Variants in NUDT3 observed in about 807,000 individuals in gnomAD.
NUDT3 encodes nudix hydrolase 3.
In NUDT3, 9 loss-of-function variants were observed where a neutral mutation model predicts 23.6. That is an observed-to-expected ratio of 0.38 (90% confidence interval 0.23 to 0.66). NUDT3 has a LOEUF of 0.66. NUDT3 is among the 30% of genes least tolerant of loss of function. The pLI is 0.52. For synonymous variants in NUDT3, 86 were observed against 82.6 expected (o/e 1.04, Z -0.22); for missense variants, 172 against 218.5 (o/e 0.79, Z 1.34).
intron 1 of NUDT3, among the ~76,000 whole-genome samples, chr6:34,348,456 T>C (rs1008513366): frequency 1.3e-4 from 19 of 151,960 alleles, no homozygotes; most frequent in African/African-American, 4.1e-4. Flanking sequence ...CACTCCAGCC[T>C]GAGTGACAGA....
At chr6:34,378,146 A>G (rs563935950) in intron 1 of NUDT3, among the ~76,000 whole-genome samples, 60 of 151,894 alleles carry the variant, frequency 4.0e-4, no homozygotes, top group African/African-American at 1.4e-3. Flanking sequence ...ACCCAAAAAA[A>G]AAAAAAAATA....
chr6:34,387,971 TTC>T (rs1765135742), intron 1 of NUDT3, among the ~76,000 whole-genome samples: 1 of 152,192 alleles, frequency 6.6e-6, no homozygotes, highest in African/African-American at 2.4e-5. Context: ...CCAGAGCAAC[TTC>T]CAGTCATAAT....
At chr6:34,360,637 C>T (rs991653471) in intron 1 of NUDT3, among the ~76,000 whole-genome samples, 2 of 152,122 alleles carry the variant, frequency 1.3e-5, no homozygotes, top group Admixed American at 1.3e-4. Context: ...GCAGAATGAC[C>T]ATTTAGTAAG....
intron 4 of NUDT3, among the ~76,000 whole-genome samples, chr6:34,293,207 C>A (rs571893203): frequency 2.6e-4 from 39 of 152,338 alleles, no homozygotes; most frequent in Non-Finnish European, 4.4e-4. Flanking sequence ...CGACCACAGG[C>A]ATGTGCCACC....
chr6:34,384,339 C>A (rs576915136), intron 1 of NUDT3, among the ~76,000 whole-genome samples: 48 of 152,322 alleles, frequency 3.2e-4, no homozygotes, highest in African/African-American at 1.0e-3. Context: ...TTCATCCTTT[C>A]TTTATTAAAA....
intron 4 of NUDT3, among the ~76,000 whole-genome samples, chr6:34,290,126 A>G (rs1763395747): frequency 6.6e-6 from 1 of 152,182 alleles, no homozygotes; most frequent in African/African-American, 2.4e-5. Context: ...TATGACTATT[A>G]GTATGGAAAG....
chr6:34,359,396 A>C (rs1268999120), intron 1 of NUDT3, among the ~76,000 whole-genome samples: 1 of 152,052 alleles, frequency 6.6e-6, no homozygotes. Context: ...AACAAACAAA[A>C]AAACTCATAC....
intron 2 of NUDT3, among the ~76,000 whole-genome samples, chr6:34,304,651 T>C (rs544613909): frequency 2.0e-5 from 3 of 151,708 alleles, no homozygotes; most frequent in Admixed American, 6.6e-5. Flanking sequence ...CAAATTTTTC[T>C]TTTTCCTTTT....
chr6:34,316,608 A>T (rs945557629), intron 2 of NUDT3, among the ~76,000 whole-genome samples: 3 of 152,240 alleles, frequency 2.0e-5, no homozygotes, highest in African/African-American at 7.2e-5. Context: ...AAAGGCACTT[A>T]AAAAAGCAAC....
At chr6:34,342,289 C>CAAAAAAAAAAAAAAAA (rs200954440) in intron 1 of NUDT3, among the ~76,000 whole-genome samples, 8 of 66,510 alleles carry the variant, frequency 1.2e-4, no homozygotes, top group South Asian at 4.6e-4. Flanking sequence ...TAGAAGACTT[C>CAAAAAAAAAAAAAAAA]AAAAAAAAAA....
intron 1 of NUDT3, among the ~76,000 whole-genome samples, chr6:34,373,678 C>T (rs9380429): frequency 3.9e-5 from 6 of 152,174 alleles, no homozygotes; most frequent in Admixed American, 3.9e-4. Context: ...ACAAATTCAG[C>T]TTCTTCCCAC....
intron 1 of NUDT3, among the ~76,000 whole-genome samples, chr6:34,380,210 C>T (rs1764991114): frequency 2.6e-5 from 4 of 152,032 alleles, no homozygotes. Context: ...TGCCACCACG[C>T]CCGGCTAATT....
chr6:34,300,495 C>A (rs1763582825), intron 2 of NUDT3, among the ~76,000 whole-genome samples: 3 of 152,208 alleles, frequency 2.0e-5, no homozygotes, highest in Non-Finnish European at 4.4e-5. Flanking sequence ...GTATGTTCAA[C>A]AGCTCCTTAG....
intron 2 of NUDT3, among the ~76,000 whole-genome samples, chr6:34,314,204 C>CT (rs952954418): frequency 1.3e-5 from 2 of 151,930 alleles, no homozygotes; most frequent in Non-Finnish European, 2.9e-5. Flanking sequence ...GGGTGGATCA[C>CT]TTGAGGCCAG....
At position 34,325,233 on chromosome 6, in the gene NUDT3, T is replaced by C. The variant is rs576072575; in HGVS notation, c.210+16629A>G. On this transcript the variant is annotated intron_variant, in intron 2 of 4. Coordinates refer to ENST00000607016, the MANE Select transcript of NUDT3 (RefSeq NM_006703.4). ...TTACTTTATATAATGAATTTTTTTT[T>C]CTTTTTTCTTTTTTAAAGAGACAGG... is the stretch of plus-strand genomic sequence containing the variant. Among the ~76,000 whole-genome samples the C allele has an allele frequency of 6.4e-5, 8 of 124,552 alleles. No homozygotes were observed. In the East Asian group the frequency reaches 1.7e-3, roughly 26 times the overall value. The allele number at this position is 124,552 out of a possible 152,430, so 81.7% of individuals were successfully genotyped here.
Position 34,351,432 on chromosome 6 carries a change from C to T in NUDT3, c.100-9460G>A, listed in dbSNP as rs1313349729. On this transcript the variant is annotated intron_variant, in intron 1 of 4. Coordinates refer to ENST00000607016, the MANE Select transcript of NUDT3 (RefSeq NM_006703.4). ...TCCATCCTAGGCAATAAGGCAAGAC[C>T]ATGTCTTTAAAAAAAAAAAAATTAG... is the stretch of plus-strand genomic sequence containing the variant. Among the ~76,000 whole-genome samples, 2 of 137,756 alleles carry T rather than the reference C, an allele frequency of 1.5e-5. 1 individual carries two copies. The highest frequency in any genetic ancestry group is 4.6e-4 in the South Asian group (2 of 4,336). The allele number at this position is 137,756 out of a possible 152,430, so 90.4% of individuals were successfully genotyped here. A position where few individuals can be genotyped will look rare whatever the true frequency, so the allele number is the denominator to read the frequency against.
In NUDT3 at chr6:34,302,892, A is replaced by T. The variant is rs550755225; in HGVS notation, c.211-7207T>A. 6.6e-5 allele frequency among the ~76,000 whole-genome samples: 10 copies of T among 152,360 alleles called. No individual in the cohort carries two copies. In the South Asian group the frequency reaches 2.1e-3, roughly 32 times the overall value. ...TCTAGAGACTCCAGAATAGAGCCAC[A>T]GATATTACTGTTTTACTAATTTAGT... On this transcript the variant is annotated intron_variant, in intron 2 of 4. Transcript: ENST00000607016.
At chr6:34,372,897 T>C (rs976861417) in intron 1 of NUDT3, among the ~76,000 whole-genome samples, 1 of 152,014 alleles carries the variant, frequency 6.6e-6, no homozygotes, top group African/African-American at 2.4e-5. Context: ...CTTTTCTGGC[T>C]TAACATTGTC....
chr6:34,379,140 A>C (rs1581900932), intron 1 of NUDT3, among the ~76,000 whole-genome samples: 1 of 152,378 alleles, frequency 6.6e-6, no homozygotes, highest in East Asian at 1.9e-4. Flanking sequence ...ACTCATGGAA[A>C]ATAGAAAAGT....
Sources: allele counts gnomAD v4.1 joint callset (sites outside exome capture counted in the v4.1 genomes callset), GRCh38; gene constraint gnomAD v4.1.1; transcripts MANE v1.5; gene names NCBI Gene and HGNC (gene_info 2026-07-23, HGNC 2026-07-21).